GINM1: variants seen among roughly 807,000 people sequenced by gnomAD.
GINM1 encodes the protein glycosylated integral membrane protein 1.
In GINM1, 29 loss-of-function variants were observed where a neutral mutation model predicts 37.8. That is an observed-to-expected ratio of 0.77 (90% confidence interval 0.57 to 1.05). The LOEUF (loss-of-function observed/expected upper bound fraction) is 1.05, where lower values mean the gene tolerates loss of function less well. Ranked by LOEUF, GINM1 falls within the 50% of genes least tolerant of loss-of-function variation. The pLI is 0.00. For synonymous variants in GINM1, 143 were observed against 146.2 expected (o/e 0.98, Z 0.16); for missense variants, 377 against 397.9 (o/e 0.95, Z 0.45).
In GINM1 at chr6:149,583,320, A is replaced by G. The variant is rs1449078840; in HGVS notation, c.881+717A>G. Among the ~76,000 whole-genome samples, 8 of 152,092 alleles carry G rather than the reference A, an allele frequency of 5.3e-5. No homozygotes were observed. The East Asian group carries it at 1.5e-3, about 29-fold the overall frequency. On this transcript the variant is annotated intron_variant, in intron 7 of 7. Coordinates refer to ENST00000367419, the MANE Select transcript of GINM1 (RefSeq NM_138785.5). ...TCTACTAAAAATACAAAAATTAGCCAGCCGTGGTGGCAGGCGCCTGTAGTC... is the reference window on the plus strand; with the variant it reads ...TCTACTAAAAATACAAAAATTAGCCGGCCGTGGTGGCAGGCGCCTGTAGTC...
At chr6:149,578,723 A>G (rs760760030) in intron 3 of GINM1, 99 bp from the exon 4 acceptor site, 47 of 757,320 alleles carry the variant, frequency 6.2e-5, no homozygotes, top group Non-Finnish European at 8.8e-5. Flanking sequence ...TGGGTTTTCA[A>G]CTGTCTTGTT....
rs775706393 is a variant in GINM1 at position 149,580,704 on chromosome 6, A to G, written c.698A>G (p.Glu233Gly). 22 of 1,613,878 alleles carry G rather than the reference A, an allele frequency of 1.4e-5. No homozygotes were observed. In the South Asian group the frequency reaches 2.4e-4, roughly 18 times the overall value. ...TTACCTGAAACTCCTCTCAGAGCAG[A>G]GCCGCCATCTTCATATAAGGTAAAT... ...GKLPETPLRA[E>G]PPSSYKVMCQ... The change falls in exon 6 of 8, where the codon GAG becomes GGG. Residue 233 changes from glutamate (E) to glycine (G), a missense_variant. Coordinates refer to ENST00000367419, the MANE Select transcript of GINM1 (RefSeq NM_138785.5).
chr6:149,583,296 C>G (rs182336300), intron 7 of GINM1, among the ~76,000 whole-genome samples: 487 of 152,210 alleles, frequency 3.2e-3, no homozygotes, highest in Non-Finnish European at 5.5e-3. Context: ...AACCCTGTCT[C>G]TACTAAAAAT....
At chr6:149,583,634 A>G in intron 7 of GINM1, among the ~76,000 whole-genome samples, 1 of 151,872 alleles carries the variant, frequency 6.6e-6, no homozygotes, top group African/African-American at 2.4e-5. Context: ...TCTCGAAAAA[A>G]AAAAAAAAAA....
intron 4 of GINM1, among the ~76,000 whole-genome samples, chr6:149,579,561 G>A (rs1019200982): frequency 2.6e-5 from 4 of 152,122 alleles, no homozygotes; most frequent in Non-Finnish European, 4.4e-5. Flanking sequence ...GCATGGTGGC[G>A]CATGCCTGTA....
intron 3 of GINM1, among the ~76,000 whole-genome samples, chr6:149,574,047 ATTTT>A (rs35023561): frequency 9.3e-5 from 12 of 129,320 alleles, no homozygotes; most frequent in Non-Finnish European, 1.1e-4. Context: ...TATACATAGG[ATTTT>A]TTTTTTTTTT....
chr6:149,570,792 C>A (rs1178646666), intron 1 of GINM1, among the ~76,000 whole-genome samples: 1 of 152,000 alleles, frequency 6.6e-6, no homozygotes, highest in African/African-American at 2.4e-5. Context: ...TGTTTTTATT[C>A]CAGAATAACA....
intron 3 of GINM1, among the ~76,000 whole-genome samples, chr6:149,574,817 G>C (rs980461849): frequency 1.3e-5 from 2 of 152,176 alleles, no homozygotes; most frequent in Non-Finnish European, 2.9e-5. Context: ...GCAGTAAGCT[G>C]TGATTGTACC....
At chr6:149,570,197 T>TATAA (rs1777796699) in intron 1 of GINM1, among the ~76,000 whole-genome samples, 6 of 100,640 alleles carry the variant, frequency 6.0e-5, no homozygotes, top group Admixed American at 1.2e-4. Flanking sequence ...TATATATATA[T>TATAA]AAAGTTCAGT....
chr6:149,579,062 C>A (rs1466111258), intron 4 of GINM1, 89 bp downstream of exon 4: 8 of 799,452 alleles, frequency 1.0e-5, no homozygotes, highest in Non-Finnish European at 1.5e-5. Flanking sequence ...TTATTTGTTT[C>A]CGACTTGATA....
intron 6 of GINM1, 78 bp from the exon 7 acceptor site, chr6:149,582,362 G>C: frequency 1.6e-6 from 2 of 1,249,124 alleles, no homozygotes; most frequent in South Asian, 2.6e-5. Flanking sequence ...TCATCCCAAA[G>C]CTAAAACATT....
chr6:149,578,505 G>A (rs369799799), intron 3 of GINM1, among the ~76,000 whole-genome samples: 195 of 126,810 alleles, frequency 1.5e-3, no homozygotes, highest in African/African-American at 5.9e-3. Flanking sequence ...CAGCCTGGGC[G>A]ACAGAGCAAG....
At chr6:149,574,218 T>C (rs1222245476) in intron 3 of GINM1, among the ~76,000 whole-genome samples, 1 of 151,762 alleles carries the variant, frequency 6.6e-6, no homozygotes, top group African/African-American at 2.4e-5. Context: ...GCCCGGCTAA[T>C]TTTTGTATTT....
chr6:149,577,663 A>G (rs1413202242), intron 3 of GINM1: 1 of 152,256 alleles, frequency 6.6e-6, no homozygotes, highest in Non-Finnish European at 1.5e-5. Context: ...TATTCCAGAC[A>G]AAGGAAGTAG....
At chr6:149,590,103 T>C (rs1323604371) in intron 7 of GINM1, among the ~76,000 whole-genome samples, 1 of 152,192 alleles carries the variant, frequency 6.6e-6, no homozygotes. Flanking sequence ...ACACCTGGCC[T>C]ACTATCATGT....
intron 1 of GINM1, among the ~76,000 whole-genome samples, chr6:149,569,283 G>T (rs566866246): frequency 9.3e-5 from 14 of 150,106 alleles, no homozygotes; most frequent in African/African-American, 3.2e-4. Context: ...TGATCCACCC[G>T]CCTCAGCCTT....
Position 149,572,387 on chromosome 6 carries a change from G to T in GINM1, c.180+43G>T, listed in dbSNP as rs749940189. 1.2e-5 allele frequency: 16 copies of T among 1,375,994 alleles called. No individual in the cohort carries two copies. Among genetic ancestry groups the T allele is most frequent in the Non-Finnish European group, 1.3e-5 (13 of 985,032 alleles). The allele number at this position is 1,375,994 out of a possible 1,614,324, so 85.2% of individuals were successfully genotyped here. ...GTTTTAATATATAATTTAGCTAAGTGCTATGCAGCTTATTTGATTTTTTAA... is the reference window on the plus strand; with the variant it reads ...GTTTTAATATATAATTTAGCTAAGTTCTATGCAGCTTATTTGATTTTTTAA... On this transcript the variant is annotated intron_variant, in intron 2 of 7. Transcript: ENST00000367419.
Position 149,566,453 on chromosome 6 carries a change from C to G in GINM1, c.39C>G (p.Leu13=). The G allele has an allele frequency of 6.3e-7, 1 of 1,575,820 alleles. No homozygotes were observed. Among genetic ancestry groups the G allele is most frequent in the South Asian group, 1.1e-5 (1 of 88,094 alleles). The change falls in exon 1 of 8, where the codon CTC becomes CTG. Residue 13 remains leucine, a synonymous_variant. Transcript: ENST00000367419. The surrounding 1 kb of genome is among the most constrained non-coding windows in gnomAD (Gnocchi z 4.4). ...GAPPGSLALR[L]LLFVALPASG... ...CACCGGGGTCGCTCGCCCTCCGGCT[C>G]CTGCTGTTCGTGGCGCTACCCGCCT...
Position 149,580,736 on chromosome 6 carries a change from T to C in GINM1, c.717+13T>C. Reference sequence around the variant, plus strand: ...ATCTTCATATAAGGTAAATCAAGTATTTGGTGTTATCATAAGCATTCATGG... The same window carrying C: ...ATCTTCATATAAGGTAAATCAAGTACTTGGTGTTATCATAAGCATTCATGG... On this transcript the variant is annotated intron_variant, in intron 6 of 7. Coordinates refer to ENST00000367419, the MANE Select transcript of GINM1 (RefSeq NM_138785.5). 1.2e-6 allele frequency: 2 copies of C among 1,612,312 alleles called. No homozygotes were observed. The highest frequency in any genetic ancestry group is 1.7e-6 in the Non-Finnish European group (2 of 1,178,966).
Sources: allele counts gnomAD v4.1 joint callset (sites outside exome capture counted in the v4.1 genomes callset), GRCh38; gene constraint gnomAD v4.1.1; non-coding constraint Gnocchi (gnomAD v3.1); transcripts MANE v1.5; gene names NCBI Gene and HGNC (gene_info 2026-07-23, HGNC 2026-07-21).